CSMD1: variants seen among roughly 807,000 people sequenced by gnomAD.
CSMD1 encodes CUB and Sushi multiple domains 1, also known as CUB and sushi domain-containing protein 1.
A neutral mutation model predicts 417.5 loss-of-function variants in CSMD1; 213 were observed. The ratio of observed to expected loss-of-function variants is 0.51; its 90% confidence interval spans 0.46 to 0.57. CSMD1 has a LOEUF of 0.57. CSMD1 is among the 20% of genes least tolerant of loss of function. The pLI, the probability that CSMD1 is intolerant of heterozygous loss-of-function variation, is 0.00. For synonymous variants in CSMD1, 2,862 were observed against 1,736.8 expected, an observed-to-expected ratio of 1.65 and a Z score of -16.11; for missense variants, 6,923 against 4,529.7, an observed-to-expected ratio of 1.53 and a Z score of -15.17.
intron 49 of CSMD1, among the ~76,000 whole-genome samples, chr8:3,072,097 G>A (rs1169157180): frequency 6.6e-6 from 1 of 152,170 alleles, no homozygotes; most frequent in Non-Finnish European, 1.5e-5. Flanking sequence ...TAGTACCTCA[G>A]AAAGGTTCAA....
intron 7 of CSMD1, among the ~76,000 whole-genome samples, chr8:3,681,170 T>G (rs1053689769): frequency 1.3e-5 from 2 of 152,236 alleles, no homozygotes; most frequent in African/African-American, 2.4e-5. Flanking sequence ...TTCAACATAG[T>G]GTTGGAAGTT....
At chr8:3,576,040 A>T (rs1017502122) in intron 9 of CSMD1, among the ~76,000 whole-genome samples, 1 of 152,126 alleles carries the variant, frequency 6.6e-6, no homozygotes, top group East Asian at 1.9e-4. Context: ...AAAATTTTTC[A>T]TAGGAAGGAT....
chr8:4,130,925 A>G (rs1289557688), intron 3 of CSMD1, among the ~76,000 whole-genome samples: 1 of 152,084 alleles, frequency 6.6e-6, no homozygotes, highest in Non-Finnish European at 1.5e-5. Context: ...TTAATTATTC[A>G]GGCTTTCTGA....
intron 52 of CSMD1, among the ~76,000 whole-genome samples, chr8:3,004,725 G>T (rs1314866788): frequency 6.6e-6 from 1 of 152,162 alleles, no homozygotes; most frequent in Non-Finnish European, 1.5e-5. Context: ...TATGACTGTG[G>T]ACAGGGTAAT....
chr8:4,326,157 C>A (rs977226020), intron 3 of CSMD1, among the ~76,000 whole-genome samples: 1 of 152,126 alleles, frequency 6.6e-6, no homozygotes, highest in African/African-American at 2.4e-5. Context: ...AGAGTTGTGC[C>A]AGAGAATTTG....
At chr8:4,457,461 G>A (rs945829014) in intron 2 of CSMD1, among the ~76,000 whole-genome samples, 1 of 151,940 alleles carries the variant, frequency 6.6e-6, no homozygotes, top group African/African-American at 2.4e-5. Flanking sequence ...GAAAAGTCTT[G>A]CTTATTGGAA....
intron 2 of CSMD1, among the ~76,000 whole-genome samples, chr8:4,435,321 A>G (rs1798091230): frequency 2.0e-5 from 3 of 152,170 alleles, no homozygotes; most frequent in Admixed American, 2.0e-4. Flanking sequence ...TGACACAGGT[A>G]AAATGCAGGA....
At chr8:4,904,424 C>G (rs555038719) in intron 1 of CSMD1, among the ~76,000 whole-genome samples, 1 of 152,100 alleles carries the variant, frequency 6.6e-6, no homozygotes, top group Non-Finnish European at 1.5e-5. Flanking sequence ...TTATATCTCA[C>G]AAATAAAACT....
At chr8:3,823,009 G>C (rs914216040) in intron 5 of CSMD1, among the ~76,000 whole-genome samples, 5 of 152,134 alleles carry the variant, frequency 3.3e-5, no homozygotes, top group Admixed American at 6.5e-5. Context: ...CGAAGGCTGA[G>C]TCAGCTGAAA....
In CSMD1 at chr8:4,888,803, C is replaced by G. The variant is rs574263775; in HGVS notation, c.85+105529G>C. Among the ~76,000 whole-genome samples the G allele has an allele frequency of 2.4e-4, 37 of 152,170 alleles. No homozygotes were observed. The East Asian group carries it at 5.8e-3, about 24-fold the overall frequency. On this transcript the variant is annotated intron_variant, in intron 1 of 69. Coordinates refer to ENST00000635120, the MANE Select transcript of CSMD1 (RefSeq NM_033225.6). ...AATCACAGGACATATCAAAAGGTCA[C>G]AAAGGCCAACTTGAAGAGACTTCCA...
intron 4 of CSMD1, among the ~76,000 whole-genome samples, chr8:4,002,231 G>A (rs1367812335): frequency 6.6e-6 from 1 of 152,060 alleles, no homozygotes; most frequent in African/African-American, 2.4e-5. Context: ...GTGTGTGCAT[G>A]TGTGTGCGTG....
intron 1 of CSMD1, among the ~76,000 whole-genome samples, chr8:4,640,226 A>C (rs1803108320): frequency 6.6e-6 from 1 of 152,206 alleles, no homozygotes; most frequent in Admixed American, 6.5e-5. Flanking sequence ...GACATTCCAT[A>C]GCACCGGTTA....
intron 1 of CSMD1, among the ~76,000 whole-genome samples, chr8:4,714,198 C>A (rs546950682): frequency 1.3e-5 from 2 of 152,084 alleles, no homozygotes; most frequent in South Asian, 2.1e-4. Context: ...CCAAGCTCCA[C>A]GTCCACCGTG....
chr8:3,695,089 T>C (rs1800472959), intron 7 of CSMD1, among the ~76,000 whole-genome samples: 1 of 137,786 alleles, frequency 7.3e-6, no homozygotes, highest in South Asian at 2.2e-4. Flanking sequence ...AGGCCCTGCG[T>C]GTGTGTGTGT....
intron 1 of CSMD1, among the ~76,000 whole-genome samples, chr8:4,947,257 C>T (rs1179208171): frequency 6.6e-6 from 1 of 152,082 alleles, no homozygotes; most frequent in Non-Finnish European, 1.5e-5. Flanking sequence ...TTTAAAATTA[C>T]CTTGGCAATG....
intron 3 of CSMD1, among the ~76,000 whole-genome samples, chr8:4,259,232 C>T (rs987528666): frequency 2.0e-5 from 3 of 152,252 alleles, no homozygotes; most frequent in South Asian, 4.1e-4. Flanking sequence ...AGAGAGAATG[C>T]GGGACACAGA....
At chr8:4,122,812 A>C (rs971693988) in intron 3 of CSMD1, among the ~76,000 whole-genome samples, 2 of 152,154 alleles carry the variant, frequency 1.3e-5, no homozygotes, top group Non-Finnish European at 2.9e-5. Flanking sequence ...AAATGATTTA[A>C]TCTCCCCCTC....
At chr8:4,217,147 C>T (rs1025538318) in intron 3 of CSMD1, among the ~76,000 whole-genome samples, 15 of 152,230 alleles carry the variant, frequency 9.9e-5, no homozygotes, top group South Asian at 2.1e-4. Flanking sequence ...TGTAGAAAAG[C>T]CCAGAAATAA....
intron 23 of CSMD1, among the ~76,000 whole-genome samples, chr8:3,332,885 A>G (rs969585278): frequency 6.6e-6 from 1 of 152,152 alleles, no homozygotes; most frequent in Non-Finnish European, 1.5e-5. Context: ...ACAACTGAAC[A>G]TGGCAAGTGT....
Sources: allele counts gnomAD v4.1 joint callset (sites outside exome capture counted in the v4.1 genomes callset), GRCh38; gene constraint gnomAD v4.1.1; transcripts MANE v1.5; gene names NCBI Gene and HGNC (gene_info 2026-07-23, HGNC 2026-07-21).